The following GPC5 variants were observed in gnomAD, a reference collection of about 807,000 sequenced individuals.
GPC5 encodes glypican 5.
A neutral mutation model predicts 53.9 loss-of-function variants in GPC5; 47 were observed. The ratio of observed to expected loss-of-function variants is 0.87; its 90% CI spans 0.69 to 1.11. The LOEUF (loss-of-function observed/expected upper bound fraction) is 1.11. Ranked by LOEUF, GPC5 falls within the 50% of genes most tolerant of loss-of-function variation. The probability of loss-of-function intolerance (pLI) is 0.00; values close to 1 mark genes in which losing one functional copy is unlikely to be tolerated. For missense variants in GPC5, 748 were observed against 713.1 expected, an observed-to-expected ratio of 1.05 and a Z score of -0.56; for synonymous variants, 286 against 263.3, an observed-to-expected ratio of 1.09 and a Z score of -0.84.
chr13:92,152,106 A>AAATTAAATTAAATT (rs1251100648), intron 7 of GPC5, among the ~76,000 whole-genome samples: 13 of 152,222 alleles, frequency 8.5e-5, no homozygotes, highest in South Asian at 2.1e-4. Context: ...TGGAAAGCTA[A>AAATTAAATTAAATT]AAATGTGAAT....
At chr13:92,062,452 A>G (rs770622885) in intron 6 of GPC5, among the ~76,000 whole-genome samples, 1 of 151,970 alleles carries the variant, frequency 6.6e-6, no homozygotes, top group African/African-American at 2.4e-5. Context: ...AAGTTTGGCT[A>G]TTAGTGGATG....
At chr13:92,534,058 GAGA>G (rs1319131497) in intron 7 of GPC5, among the ~76,000 whole-genome samples, 3 of 152,212 alleles carry the variant, frequency 2.0e-5, no homozygotes, top group Non-Finnish European at 2.9e-5. Context: ...AAGCTTAAGT[GAGA>G]AGATCACTTG....
chr13:92,610,533 T>A (rs751624209), intron 7 of GPC5, among the ~76,000 whole-genome samples: 1 of 152,206 alleles, frequency 6.6e-6, no homozygotes, highest in African/African-American at 2.4e-5. Context: ...TATGCACACT[T>A]CACTTTCACA....
chr13:92,744,327 A>C (rs1889187845), intron 7 of GPC5, among the ~76,000 whole-genome samples: 1 of 152,074 alleles, frequency 6.6e-6, no homozygotes, highest in Admixed American at 6.6e-5. Context: ...ATTCCTTTGG[A>C]TATGTGGCAT....
At chr13:92,529,329 T>C (rs973803219) in intron 7 of GPC5, among the ~76,000 whole-genome samples, 5 of 152,154 alleles carry the variant, frequency 3.3e-5, no homozygotes, top group African/African-American at 1.2e-4. Context: ...GCCTTCACCT[T>C]AAGATTTATT....
At chr13:92,719,115 G>C (rs934144801) in intron 7 of GPC5, among the ~76,000 whole-genome samples, 2 of 151,508 alleles carry the variant, frequency 1.3e-5, no homozygotes, top group Non-Finnish European at 2.9e-5. Context: ...AATAAAAAAT[G>C]TTGTCTCTAA....
intron 7 of GPC5, among the ~76,000 whole-genome samples, chr13:92,247,028 G>T (rs1292697223): frequency 2.6e-5 from 4 of 152,146 alleles, no homozygotes; most frequent in Non-Finnish European, 4.4e-5. Context: ...TGGTTGCCCT[G>T]TGTGGGATTA....
chr13:91,996,567 A>G (rs1172074204), intron 6 of GPC5: 1 of 152,244 alleles, frequency 6.6e-6, no homozygotes, highest in East Asian at 1.9e-4. Context: ...ACAATAAACT[A>G]AAATATAGCT....
chr13:92,361,959 A>T lies in GPC5; in HGVS notation c.1561+216970A>T, dbSNP rs551522941. 3.2e-3 allele frequency among the ~76,000 whole-genome samples: 488 copies of T among 151,648 alleles called. 1 individual carries two copies. Among genetic ancestry groups the T allele is most frequent in the South Asian group, 4.1e-3 (20 of 4,822 alleles). On this transcript the variant is annotated intron_variant, in intron 7 of 7. Transcript: ENST00000377067. ...GTAAGACACCCAGGTTTAAATTCAAATTTTGACTTTTTTCTATAGCTCTTA... is the reference window on the plus strand; with the variant it reads ...GTAAGACACCCAGGTTTAAATTCAATTTTTGACTTTTTTCTATAGCTCTTA...
At chr13:91,871,404 G>T (rs1287010058) in intron 5 of GPC5, among the ~76,000 whole-genome samples, 2 of 151,930 alleles carry the variant, frequency 1.3e-5, no homozygotes, top group Non-Finnish European at 2.9e-5. Flanking sequence ...ACTGGGTACT[G>T]GGCTTAATGC....
At chr13:91,938,225 T>C (rs1411514) in intron 6 of GPC5, among the ~76,000 whole-genome samples, 81,294 of 151,854 alleles carry the variant, frequency 0.54, 22,154 homozygotes, top group East Asian at 0.74. Context: ...CCTCCACTGC[T>C]GGTAAAGCCT....
At chr13:92,033,035 T>TTG (rs1566404109) in intron 6 of GPC5, among the ~76,000 whole-genome samples, 950 of 77,906 alleles carry the variant, frequency 0.012, 10 homozygotes, top group African/African-American at 0.042. Context: ...CTAGTTATTG[T>TTG]CGTGTGTGTG....
At chr13:91,516,280 A>G (rs146422687) in intron 2 of GPC5, among the ~76,000 whole-genome samples, 39 of 152,214 alleles carry the variant, frequency 2.6e-4, no homozygotes, top group African/African-American at 8.9e-4. Context: ...TCAAAAGCAA[A>G]CTAGCTAGTA....
chr13:92,637,538 T>C (rs9523738), intron 7 of GPC5, among the ~76,000 whole-genome samples: 134,467 of 152,170 alleles, frequency 0.88, 60,527 homozygotes, highest in Non-Finnish European at 0.98. Context: ...TACTCAGAAG[T>C]GTATTGTCTC....
intron 6 of GPC5, among the ~76,000 whole-genome samples, chr13:91,973,069 C>G (rs1324411613): frequency 6.6e-6 from 1 of 152,206 alleles, no homozygotes; most frequent in Non-Finnish European, 1.5e-5. Context: ...TGTTTTCCAA[C>G]TTGGTTCCAT....
chr13:92,445,890 G>A (rs1200753958), intron 7 of GPC5, among the ~76,000 whole-genome samples: 1 of 152,020 alleles, frequency 6.6e-6, no homozygotes, highest in Non-Finnish European at 1.5e-5. Flanking sequence ...TGATCCTCCT[G>A]AGTAGCTGGG....
intron 2 of GPC5, among the ~76,000 whole-genome samples, chr13:91,668,414 A>C (rs2035167824): frequency 6.6e-6 from 1 of 152,190 alleles, no homozygotes; most frequent in Admixed American, 6.5e-5. Context: ...CTGTTTCCTC[A>C]CCTGCTAAAT....
At chr13:91,974,813 A>T (rs926642607) in intron 6 of GPC5, among the ~76,000 whole-genome samples, 3,385 of 151,872 alleles carry the variant, frequency 0.022, 117 homozygotes, top group African/African-American at 0.077. Context: ...CAATGCCAAG[A>T]CAATCCTAAG....
chr13:91,768,597 T>C (rs745307601), intron 5 of GPC5, among the ~76,000 whole-genome samples: 1 of 152,164 alleles, frequency 6.6e-6, no homozygotes, highest in Admixed American at 6.5e-5. Context: ...AAATGAAAAG[T>C]ATAATTATAT....
Sources: allele counts gnomAD v4.1 joint callset (sites outside exome capture counted in the v4.1 genomes callset), GRCh38; gene constraint gnomAD v4.1.1; transcripts MANE v1.5; gene names NCBI Gene and HGNC (gene_info 2026-07-23, HGNC 2026-07-21).